The following MAGI2 variants were observed in gnomAD, a reference collection of about 807,000 sequenced individuals.
The protein encoded by MAGI2 is membrane associated guanylate kinase, WW and PDZ domain containing 2.
A neutral mutation model predicts 133.3 loss-of-function variants in MAGI2; 35 were observed. The observed-to-expected ratio is 0.26, with a 90% CI of 0.20 to 0.35. The LOEUF (loss-of-function observed/expected upper bound fraction) is 0.35. Among genes scored for constraint, MAGI2 ranks in the 10% least tolerant of loss-of-function variants. The pLI is 1.00. For synonymous variants in MAGI2, 729 were observed against 710.6 expected (o/e 1.03, Z -0.41); for missense variants, 1,636 against 1,863.4 (o/e 0.88, Z 2.25).
At chr7:79,445,349 A>G (rs919567131) in intron 1 of MAGI2, among the ~76,000 whole-genome samples, 14 of 152,226 alleles carry the variant, frequency 9.2e-5, no homozygotes, top group Middle Eastern at 3.2e-3. Flanking sequence ...TCTGCACAGC[A>G]AAAGAAACTA....
chr7:78,053,593 A>T (rs1007702180), intron 21 of MAGI2, among the ~76,000 whole-genome samples: 2 of 152,236 alleles, frequency 1.3e-5, no homozygotes, highest in African/African-American at 2.4e-5. Flanking sequence ...AGAAAAACAT[A>T]AACACCTTTC....
intron 3 of MAGI2, among the ~76,000 whole-genome samples, chr7:78,555,589 A>T (rs979501896): frequency 6.6e-6 from 1 of 152,202 alleles, no homozygotes; most frequent in African/African-American, 2.4e-5. Flanking sequence ...TAATGAAGTT[A>T]TTTCTGAAGG....
chr7:79,303,687 T>C (rs567540128), intron 1 of MAGI2, among the ~76,000 whole-genome samples: 34 of 152,294 alleles, frequency 2.2e-4, no homozygotes, highest in South Asian at 6.2e-4. Context: ...TCTGACAATG[T>C]TTACCATATC....
intron 1 of MAGI2, among the ~76,000 whole-genome samples, chr7:79,047,570 T>C (rs892951553): frequency 5.9e-5 from 9 of 152,116 alleles, no homozygotes; most frequent in Admixed American, 4.6e-4. Context: ...TATATGTGTG[T>C]TTCATGAAAG....
chr7:79,053,826 G>A (rs536589098), intron 1 of MAGI2, among the ~76,000 whole-genome samples: 1 of 152,294 alleles, frequency 6.6e-6, no homozygotes, highest in South Asian at 2.1e-4. Flanking sequence ...ATAATGATAT[G>A]AAAGCACTTT....
chr7:78,842,040 C>T lies in MAGI2; in HGVS notation c.418+165050G>A, dbSNP rs1792189468. Among the ~76,000 whole-genome samples, 4 of 151,976 alleles carry T rather than the reference C, an allele frequency of 2.6e-5. No homozygotes were observed. In the South Asian group the frequency reaches 8.3e-4, roughly 32 times the overall value. On this transcript the variant is annotated intron_variant, in intron 2 of 21. Transcript: ENST00000354212. ...ATAGGTGCTTAAAAATGTTGTTTGA[C>T]TCCCTTTTCCAAAATCATTCAGGCA...
chr7:78,343,942 C>G lies in MAGI2; in HGVS notation c.1244G>C (p.Arg415Pro). ...PGFREKPLFT[R>P]DASQLKGTFL... is the part of the protein sequence containing the mutation. ...TGTTCCCTTCAACTGGGATGCATCC[C>G]GGGTGAAGAGTGGTTTTTCTACATT... The change falls in exon 9 of 22, where the codon CGG becomes CCG. Residue 415 changes from arginine (R) to proline (P), a missense_variant. By Grantham distance (103) the Arg-to-Pro change is moderately radical. This residue lies in a region of MAGI2 where 920 missense variants were observed against 1,093.5 expected (regional missense o/e 0.84). Transcript: ENST00000354212. 1 of 1,608,302 alleles carries G rather than the reference C, an allele frequency of 6.2e-7. No homozygotes were observed. Among genetic ancestry groups the G allele is most frequent in the East Asian group, 2.2e-5 (1 of 44,680 alleles).
At chr7:78,963,366 G>T (rs1272415777) in intron 2 of MAGI2, among the ~76,000 whole-genome samples, 1 of 152,046 alleles carries the variant, frequency 6.6e-6, no homozygotes, top group African/African-American at 2.4e-5. Context: ...TATTTCAATT[G>T]GAGTAGTATT....
rs371137224 is a variant in MAGI2, at chr7:78,111,178, A to G, written c.3567+14516T>C. On this transcript the variant is annotated intron_variant, in intron 20 of 21. Transcript: ENST00000354212. Reference sequence around the variant, plus strand: ...TTGTAATTTATTCTCAGGCAAAGACAGAAAAATTACGGTTAAGCTTAAAAG... The same window carrying G: ...TTGTAATTTATTCTCAGGCAAAGACGGAAAAATTACGGTTAAGCTTAAAAG... Among the ~76,000 whole-genome samples the G allele has an allele frequency of 4.6e-5, 7 of 152,240 alleles. No homozygotes were observed. The South Asian group carries it at 1.0e-3, about 23-fold the overall frequency.
intron 1 of MAGI2, among the ~76,000 whole-genome samples, chr7:79,352,466 T>C (rs1055819327): frequency 6.6e-6 from 1 of 152,198 alleles, no homozygotes; most frequent in Admixed American, 6.5e-5. Context: ...TTAGAGGTCA[T>C]GTAGCTCAGG....
chr7:79,084,914 G>T lies in MAGI2; in HGVS notation c.302-77708C>A, dbSNP rs946104648. On this transcript the variant is annotated intron_variant, in intron 1 of 21. Transcript: ENST00000354212. ...CTTCTCATTACCTCTTGAGCTTCAT[G>T]ATTTTCGATAAGACTCATCTGTTGA... Among the ~76,000 whole-genome samples, 4 of 151,662 alleles carry T rather than the reference G, an allele frequency of 2.6e-5. No individual in the cohort carries two copies. The South Asian group carries it at 6.2e-4, about 24-fold the overall frequency.
At chr7:78,657,295 G>T (rs1053015859) in intron 2 of MAGI2, among the ~76,000 whole-genome samples, 3 of 152,142 alleles carry the variant, frequency 2.0e-5, no homozygotes, top group Non-Finnish European at 4.4e-5. Context: ...CGTACTCTTA[G>T]CATGTGATCT....
At chr7:78,327,741 T>C (rs1343018099) in intron 9 of MAGI2, among the ~76,000 whole-genome samples, 2 of 152,190 alleles carry the variant, frequency 1.3e-5, no homozygotes, top group East Asian at 1.9e-4. Context: ...CTATCTTGAA[T>C]AGTTGATAAT....
intron 2 of MAGI2, among the ~76,000 whole-genome samples, chr7:78,981,407 T>C (rs1204086520): frequency 6.6e-6 from 1 of 151,806 alleles, no homozygotes; most frequent in East Asian, 1.9e-4. Context: ...TGATGGATAT[T>C]TAAAGCCATT....
At chr7:78,328,460 A>T (rs1788807269) in intron 9 of MAGI2, among the ~76,000 whole-genome samples, 1 of 141,988 alleles carries the variant, frequency 7.0e-6, no homozygotes, top group Non-Finnish European at 1.5e-5. Context: ...AGGAATGTTC[A>T]ACGGATGCTT....
chr7:78,844,007 T>A (rs1373455639), intron 2 of MAGI2, among the ~76,000 whole-genome samples: 1 of 147,560 alleles, frequency 6.8e-6, no homozygotes, highest in Non-Finnish European at 1.5e-5. Flanking sequence ...ATATATATAT[T>A]TATTATTTCT....
At chr7:78,861,348 C>T (rs1475034615) in intron 2 of MAGI2, among the ~76,000 whole-genome samples, 1 of 152,158 alleles carries the variant, frequency 6.6e-6, no homozygotes, top group Non-Finnish European at 1.5e-5. Context: ...TCCTATTTGG[C>T]CATCTTGGAA....
intron 2 of MAGI2, among the ~76,000 whole-genome samples, chr7:78,785,125 CA>C (rs1002045511): frequency 6.6e-6 from 1 of 152,156 alleles, no homozygotes; most frequent in African/African-American, 2.4e-5. Flanking sequence ...ATAAAGTTAT[CA>C]CCCTAGAGCT....
At chr7:79,093,666 ATTTCTTTTTCTTTCTCTTTCTCTTTCTC>A (rs375193610) in intron 1 of MAGI2, among the ~76,000 whole-genome samples, 1 of 142,390 alleles carries the variant, frequency 7.0e-6, no homozygotes, top group African/African-American at 2.7e-5. Context: ...TGCTGTGGCA[ATTTCTTTTTCTTTCTCTTTCTCTTTCTC>A]TTTCTTTTTC....
Sources: gnomAD v4.1 joint callset for allele counts (sites outside exome capture counted in the v4.1 genomes callset) on GRCh38, gnomAD v4.1.1 for gene constraint, gnomAD v4.1.1 regional missense constraint, MANE v1.5 for transcripts, NCBI Gene and HGNC (gene_info 2026-07-23, HGNC 2026-07-21) for gene names.